Variants in HHAT observed in about 807,000 individuals in gnomAD.
HHAT encodes hedgehog acyltransferase.
HHAT carries 47 observed loss-of-function variants against 70.8 expected under a neutral mutation model. The observed-to-expected ratio is 0.66, with a 90% CI of 0.53 to 0.85. The LOEUF (loss-of-function observed/expected upper bound fraction) is 0.85. Ranked by LOEUF, HHAT falls within the 40% of genes least tolerant of loss-of-function variation. The pLI, the probability that HHAT is intolerant of heterozygous loss-of-function variation, is 0.00. For synonymous variants in HHAT, 228 were observed against 247.6 expected, an observed-to-expected ratio of 0.92 and a Z score of 0.74; for missense variants, 609 against 604.8, an observed-to-expected ratio of 1.01 and a Z score of -0.07.
chr1:210,568,403 T>A (rs528009880), intron 9 of HHAT, among the ~76,000 whole-genome samples: 1 of 152,336 alleles, frequency 6.6e-6, no homozygotes, highest in Non-Finnish European at 1.5e-5. Flanking sequence ...AGCAAATTAA[T>A]CAAACCCAAG....
intron 10 of HHAT, among the ~76,000 whole-genome samples, chr1:210,593,581 G>C (rs186992771): frequency 2.4e-4 from 36 of 152,214 alleles, no homozygotes; most frequent in Non-Finnish European, 3.8e-4. Flanking sequence ...CTTATTTTGT[G>C]GCCTAACATA....
chr1:210,619,144 C>G (rs1397201768), intron 10 of HHAT, among the ~76,000 whole-genome samples: 2 of 152,150 alleles, frequency 1.3e-5, no homozygotes, highest in South Asian at 2.1e-4. Context: ...GCCCTTGCAC[C>G]TGAAGAGTGG....
chr1:210,429,037 A>T (rs2093164150), intron 7 of HHAT, among the ~76,000 whole-genome samples: 1 of 151,842 alleles, frequency 6.6e-6, no homozygotes, highest in African/African-American at 2.4e-5. Context: ...TAGATTAAAG[A>T]GGTTAATTAT....
At chr1:210,500,084 A>C (rs965547487) in intron 8 of HHAT, among the ~76,000 whole-genome samples, 2 of 152,212 alleles carry the variant, frequency 1.3e-5, no homozygotes, top group African/African-American at 4.8e-5. Flanking sequence ...CAGTTAAGCA[A>C]CTTTTCAAAG....
At chr1:210,345,935 A>G (rs917556250) in intron 1 of HHAT, among the ~76,000 whole-genome samples, 2 of 151,882 alleles carry the variant, frequency 1.3e-5, no homozygotes, top group African/African-American at 2.4e-5. Flanking sequence ...ATTGTGGTGC[A>G]TGCCTGTAAT....
intron 11 of HHAT, among the ~76,000 whole-genome samples, chr1:210,673,207 C>G (rs1170603200): frequency 6.6e-6 from 1 of 152,144 alleles, no homozygotes; most frequent in African/African-American, 2.4e-5. Flanking sequence ...CTGCATGTCT[C>G]TATCCCACCC....
intron 11 of HHAT, among the ~76,000 whole-genome samples, chr1:210,656,468 A>G (rs979294253): frequency 2.0e-5 from 3 of 152,118 alleles, no homozygotes; most frequent in Admixed American, 6.5e-5. Context: ...TGACAGCAGC[A>G]GTGATCATGG....
At chr1:210,575,855 A>T (rs1573449297) in intron 9 of HHAT, among the ~76,000 whole-genome samples, 3 of 152,224 alleles carry the variant, frequency 2.0e-5, no homozygotes, top group African/African-American at 7.2e-5. Context: ...GCAGTAACTC[A>T]TTATAAGAAA....
At chr1:210,386,913 A>T (rs937624982) in intron 3 of HHAT, among the ~76,000 whole-genome samples, 1 of 152,192 alleles carries the variant, frequency 6.6e-6, no homozygotes, top group Non-Finnish European at 1.5e-5. Flanking sequence ...ATAAATTTAT[A>T]TGAACTTAGT....
chr1:210,404,256 G>A (rs2092228212), intron 5 of HHAT, among the ~76,000 whole-genome samples: 1 of 152,130 alleles, frequency 6.6e-6, no homozygotes, highest in African/African-American at 2.4e-5. Flanking sequence ...TTAACTGCTT[G>A]CTTTGATTAC....
At chr1:210,655,971 G>T (rs1200803758) in intron 11 of HHAT, among the ~76,000 whole-genome samples, 2 of 152,168 alleles carry the variant, frequency 1.3e-5, no homozygotes, top group East Asian at 3.9e-4. Flanking sequence ...TCTCTCGGAG[G>T]CAGATATCTG....
chr1:210,581,384 G>T (rs566518566), intron 9 of HHAT, among the ~76,000 whole-genome samples: 2 of 152,292 alleles, frequency 1.3e-5, no homozygotes, highest in South Asian at 4.1e-4. Flanking sequence ...TAGAGCCAGG[G>T]TTGGGTCAGG....
At chr1:210,379,245 A>G (rs2090452825) in intron 3 of HHAT, among the ~76,000 whole-genome samples, 1 of 152,228 alleles carries the variant, frequency 6.6e-6, no homozygotes, top group Non-Finnish European at 1.5e-5. Context: ...CATTTTCTTC[A>G]GAAGTCTCAC....
intron 8 of HHAT, among the ~76,000 whole-genome samples, chr1:210,467,151 C>G (rs1045307153): frequency 3.3e-5 from 5 of 152,146 alleles, no homozygotes; most frequent in African/African-American, 1.2e-4. Flanking sequence ...GAAGGATTTT[C>G]CAGGCTACTA....
At chr1:210,637,872 G>GGT (rs1553312434) in intron 11 of HHAT, among the ~76,000 whole-genome samples, 3 of 36,126 alleles carry the variant, frequency 8.3e-5, no homozygotes, top group Non-Finnish European at 2.0e-4. Context: ...AAAAAAAAAA[G>GGT]GGGGGGGCAA....
chr1:210,577,916 G>T (rs1658271385), intron 9 of HHAT, among the ~76,000 whole-genome samples: 2 of 151,980 alleles, frequency 1.3e-5, no homozygotes, highest in African/African-American at 2.4e-5. Flanking sequence ...AAAGTTCTGG[G>T]GTTACAGATG....
At chr1:210,436,440 C>A (rs543235929) in intron 7 of HHAT, among the ~76,000 whole-genome samples, 2 of 151,614 alleles carry the variant, frequency 1.3e-5, no homozygotes, top group African/African-American at 4.9e-5. Context: ...GTTGCTTTGG[C>A]TATTCGGGGT....
At chr1:210,590,911 C>T (rs886333722) in intron 10 of HHAT, among the ~76,000 whole-genome samples, 1 of 151,926 alleles carries the variant, frequency 6.6e-6, no homozygotes, top group African/African-American at 2.4e-5. Flanking sequence ...TTTTCTTTGT[C>T]ATATCTTCTT....
At chr1:210,459,542 T>C (rs2093937658) in intron 7 of HHAT, among the ~76,000 whole-genome samples, 1 of 152,116 alleles carries the variant, frequency 6.6e-6, no homozygotes, top group Non-Finnish European at 1.5e-5. Flanking sequence ...GGAAGTATGA[T>C]GAGAGAGGAC....
Sources: gnomAD v4.1 joint callset for allele counts (sites outside exome capture counted in the v4.1 genomes callset) on GRCh38, gnomAD v4.1.1 for gene constraint, MANE v1.5 for transcripts, NCBI Gene and HGNC (gene_info 2026-07-23, HGNC 2026-07-21) for gene names.